The following KCNQ4 variants were observed in gnomAD, a reference collection of about 807,000 sequenced individuals.
The protein encoded by KCNQ4 is potassium voltage-gated channel subfamily Q member 4.
KCNQ4 carries 31 observed loss-of-function variants against 72.6 expected under a neutral mutation model. The observed-to-expected ratio is 0.43, with a 90% CI of 0.32 to 0.58. The LOEUF (loss-of-function observed/expected upper bound fraction) is 0.58. Ranked by LOEUF, KCNQ4 falls within the 20% of genes least tolerant of loss-of-function variation. KCNQ4 has a pLI of 0.08. For missense variants in KCNQ4, 869 were observed against 962.6 expected, an observed-to-expected ratio of 0.90 and a Z score of 1.29; for synonymous variants, 405 against 403.7, an observed-to-expected ratio of 1.00 and a Z score of -0.04.
chr1:40,840,084 T>TGCCTGCATCTCGTGCTGGGG lies in KCNQ4; in HGVS notation c.*1562_*1581dup, dbSNP rs1648932149. ...TGGGAACAAGGGGCCGAGGCCACGC[T>TGCCTGCATCTCGTGCTGGGG]GCCTGCATCTCGTGCTGGGGACCTG... On this transcript the variant is annotated 3_prime_UTR_variant, in exon 14 of 14. Transcript: ENST00000347132. 1 of 152,418 alleles carries TGCCTGCATCTCGTGCTGGGG rather than the reference T, an allele frequency of 6.6e-6. No individual in the cohort carries two copies. Among genetic ancestry groups the TGCCTGCATCTCGTGCTGGGG allele is most frequent in the South Asian group, 2.1e-4 (1 of 4,828 alleles). 9.4% of individuals were successfully genotyped at this position (152,418 alleles called of 1,614,324 possible). A position where few individuals can be genotyped will look rare whatever the true frequency, so the allele number is the denominator to read the frequency against.
At chr1:40,838,009 C>T (rs1234204612) in intron 13 of KCNQ4, among the ~76,000 whole-genome samples, 1 of 150,340 alleles carries the variant, frequency 6.7e-6, no homozygotes, top group African/African-American at 2.5e-5. Flanking sequence ...CATAAGCCCG[C>T]CCATAACCTT....
intron 9 of KCNQ4, among the ~76,000 whole-genome samples, chr1:40,829,352 A>G (rs1180811302): frequency 6.6e-6 from 1 of 152,170 alleles, no homozygotes; most frequent in African/African-American, 2.4e-5. Flanking sequence ...GGATGTGTCG[A>G]TGGAGTCCTG....
chr1:40,784,263 C>T lies in KCNQ4; in HGVS notation c.170C>T (p.Pro57Leu). 2.1e-6 allele frequency: 3 copies of T among 1,438,774 alleles called. No individual in the cohort carries two copies. Among genetic ancestry groups the T allele is most frequent in the Non-Finnish European group, 2.7e-6 (3 of 1,103,094 alleles). 89.1% of individuals were successfully genotyped at this position (1,438,774 alleles called of 1,614,324 possible). A position where few individuals can be genotyped will look rare whatever the true frequency, so the allele number is the denominator to read the frequency against. ...GGCAGCCCCCTGCCGCCGGGCGCGC[C>T]CCTCCCTGGGCCGGGCTCCGGCTCG... ...LLGSPLPPGA[P>L]LPGPGSGSGS... Residue 57 changes from proline to leucine, a missense_variant, in exon 1 of 14, where the codon CCC becomes CTC. Physicochemically the swap from Pro to Leu is moderately conservative, Grantham distance 98. Transcript: ENST00000347132. This position sits in a 1 kb window ranked among gnomAD's most constrained non-coding sequence, Gnocchi z 4.1.
Position 40,817,931 on chromosome 1 carries a change from C to A in KCNQ4, c.406-233C>A, listed in dbSNP as rs759807678. ...AGGGCCTGTTGAGGAGCAGAAAAATCCGATCAGTTCATGGGGACCGGAAGG... is the reference window on the plus strand; with the variant it reads ...AGGGCCTGTTGAGGAGCAGAAAAATACGATCAGTTCATGGGGACCGGAAGG... On this transcript the variant is annotated intron_variant, in intron 2 of 13. Transcript: ENST00000347132. This position sits in a 1 kb window ranked among gnomAD's most constrained non-coding sequence, Gnocchi z 5.5. Among the ~76,000 whole-genome samples the A allele has an allele frequency of 1.3e-5, 2 of 152,130 alleles. No individual in the cohort carries two copies. Among genetic ancestry groups the A allele is most frequent in the African/African-American group, 4.8e-5 (2 of 41,422 alleles).
intron 1 of KCNQ4, among the ~76,000 whole-genome samples, chr1:40,814,788 C>T (rs1224646733): frequency 6.6e-6 from 1 of 152,194 alleles, no homozygotes; most frequent in Non-Finnish European, 1.5e-5. Flanking sequence ...TTTTACCACC[C>T]ATAGATAAGC....
At chr1:40,790,319 G>T (rs144373348) in intron 1 of KCNQ4, among the ~76,000 whole-genome samples, 1 of 152,168 alleles carries the variant, frequency 6.6e-6, no homozygotes, top group Non-Finnish European at 1.5e-5. Flanking sequence ...CATGATCATC[G>T]TTACTGTTAT....
chr1:40,785,606 T>C (rs1647195006), intron 1 of KCNQ4, among the ~76,000 whole-genome samples: 1 of 152,024 alleles, frequency 6.6e-6, no homozygotes, highest in Non-Finnish European at 1.5e-5. Context: ...TCCTTCTGCT[T>C]GCCTGTTTCC....
intron 1 of KCNQ4, among the ~76,000 whole-genome samples, chr1:40,809,545 C>T (rs1055746961): frequency 6.6e-6 from 1 of 152,226 alleles, no homozygotes; most frequent in Non-Finnish European, 1.5e-5. Flanking sequence ...CTTCCTAGTT[C>T]CCGTTTCCAG....
At chr1:40,818,402 T>TCCCCCAC in intron 3 of KCNQ4, 103 bp from the exon 4 acceptor site, 1 of 1,419,646 alleles carries the variant, frequency 7.0e-7, no homozygotes, top group Non-Finnish European at 9.7e-7. Flanking sequence ...CAGCGGACCC[T>TCCCCCAC]CCCCCTCCCT....
chr1:40,837,887 C>G, intron 13 of KCNQ4, 93 bp downstream of exon 13: 1 of 1,510,756 alleles, frequency 6.6e-7, no homozygotes, highest in East Asian at 2.4e-5. Context: ...CAGCCACAGC[C>G]CAAGGGTCCC....
chr1:40,806,188 C>T lies in KCNQ4; in HGVS notation c.315-11077C>T, dbSNP rs369901651. ...AGCCAGCATGTAAAACTGAGCCACC[C>T]GAATCTGCACGGAGCTGCTCAGTGG... On this transcript the variant is annotated intron_variant, in intron 1 of 13. Transcript: ENST00000347132. 1.1e-4 allele frequency among the ~76,000 whole-genome samples: 16 copies of T among 152,290 alleles called. No homozygotes were observed. In the East Asian group the frequency reaches 1.9e-3, roughly 18 times the overall value.
chr1:40,805,892 A>G (rs1203360611), intron 1 of KCNQ4, among the ~76,000 whole-genome samples: 5 of 151,456 alleles, frequency 3.3e-5, no homozygotes, highest in Non-Finnish European at 7.4e-5. Context: ...CCCAGGCTGG[A>G]GTGCAGTGGC....
chr1:40,815,170 G>A (rs1281978961), intron 1 of KCNQ4, among the ~76,000 whole-genome samples: 1 of 150,508 alleles, frequency 6.6e-6, no homozygotes, highest in African/African-American at 2.5e-5. Context: ...AACCCGGGAG[G>A]CGGAGGTTGC....
intron 9 of KCNQ4, 29 bp downstream of exon 9, chr1:40,824,287 T>C: frequency 6.3e-7 from 1 of 1,595,612 alleles, no homozygotes; most frequent in South Asian, 1.1e-5. Context: ...TGCCACCTCC[T>C]CTTGCTTCTC....
Position 40,783,829 on chromosome 1 carries a change from C to G in KCNQ4, c.-265C>G, listed in dbSNP as rs1222305275. On this transcript the variant is annotated 5_prime_UTR_variant, in exon 1 of 14. Coordinates refer to ENST00000347132, the MANE Select transcript of KCNQ4 (RefSeq NM_004700.4). The surrounding 1 kb of genome is among the most constrained non-coding windows in gnomAD (Gnocchi z 4.4). ...CGCCGGTGGCAGGTGGAAAGGCGAG[C>G]GGCATGGAGCGCGTAATAAGAGAGT... is the stretch of plus-strand genomic sequence containing the variant. The G allele has an allele frequency of 6.6e-6, 1 of 152,028 alleles. No homozygotes were observed. Among genetic ancestry groups the G allele is most frequent in the African/African-American group, 2.4e-5 (1 of 41,360 alleles). 9.4% of individuals were successfully genotyped at this position (152,028 alleles called of 1,614,324 possible).
intron 9 of KCNQ4, 63 bp downstream of exon 9, chr1:40,824,321 T>G (rs3767940): frequency 2.0e-6 from 3 of 1,535,854 alleles, no homozygotes; most frequent in Admixed American, 1.8e-5. Context: ...ATTCTCTGTC[T>G]TCATCCTCTC....
Position 40,818,213 on chromosome 1 carries a change from G to C in KCNQ4, c.455G>C (p.Trp152Ser). The C allele has an allele frequency of 1.9e-6, 3 of 1,613,970 alleles. No individual in the cohort carries two copies. Among genetic ancestry groups the C allele is most frequent in the Non-Finnish European group, 2.5e-6 (3 of 1,180,030 alleles). ...VFGLEYIVRV[W>S]SAGCCCRYRG... ...GGCTTGGAGTACATCGTCCGGGTCT[G>C]GTCCGCCGGATGCTGCTGCCGCTAC... is the stretch of plus-strand genomic sequence containing the variant. The change falls in exon 3 of 14, where the codon TGG (tryptophan) becomes TCG (serine). Residue 152 changes from tryptophan (W) to serine (S), a missense_variant. By Grantham distance (177) the Trp-to-Ser change is radical (BLOSUM62 -3). Around this residue, in one of 5 missense-constraint regions of KCNQ4, gnomAD observed 179 missense variants for 243.0 expected, o/e 0.74. Transcript: ENST00000347132.
intron 1 of KCNQ4, among the ~76,000 whole-genome samples, chr1:40,816,611 A>T (rs1558010772): frequency 3.3e-5 from 5 of 152,102 alleles, no homozygotes; most frequent in Admixed American, 3.3e-4. Flanking sequence ...CTGTAGTTTC[A>T]TGCTGTCTGC....
At chr1:40,819,518 C>T in intron 5 of KCNQ4, 46 bp downstream of exon 5, 2 of 1,610,090 alleles carry the variant, frequency 1.2e-6, no homozygotes, top group Non-Finnish European at 1.7e-6. Context: ...TGGGATCCTC[C>T]CTGGGAACTT....
Sources: allele counts gnomAD v4.1 joint callset (sites outside exome capture counted in the v4.1 genomes callset), GRCh38; gene constraint gnomAD v4.1.1; regional missense constraint gnomAD v4.1.1; non-coding constraint Gnocchi (gnomAD v3.1); transcripts MANE v1.5; gene names NCBI Gene and HGNC (gene_info 2026-07-23, HGNC 2026-07-21).